Variants in CNIH3 observed in about 807,000 individuals in gnomAD.
The protein encoded by CNIH3 is protein cornichon homolog 3.
CNIH3 carries 14 observed loss-of-function variants against 24.1 expected under a neutral mutation model. The ratio of observed to expected loss-of-function variants is 0.58; its 90% CI spans 0.38 to 0.91. CNIH3 has a LOEUF of 0.91. Among genes scored for constraint, CNIH3 ranks in the 40% least tolerant of loss-of-function variants. The pLI is 0.00. For synonymous variants in CNIH3, 68 were observed against 73.8 expected (o/e 0.92, Z 0.40); for missense variants, 178 against 196.8 (o/e 0.90, Z 0.57).
At chr1:224,512,942 G>A (rs1678217968), upstream of CNIH3, among the ~76,000 whole-genome samples, 1 of 152,178 alleles carries the variant, frequency 6.6e-6, no homozygotes, top group Admixed American at 6.5e-5. Flanking sequence ...CTGTCCTTTG[G>A]CCTCTTTGAA....
At position 224,533,526 on chromosome 1, in the gene CNIH3, C is replaced by T. The variant is rs535596106; in HGVS notation, n.344-3410C>T. On this transcript the variant is annotated intron_variant and non_coding_transcript_variant, in intron 2 of 2. Coordinates refer to the CNIH3 transcript ENST00000470602. ...AAACAACAGAAATGTATTATCTCAT[C>T]GTTCTGGGGGCTGGAAGTCTGTCAT... Among the ~76,000 whole-genome samples, 8 of 152,244 alleles carry T rather than the reference C, an allele frequency of 5.3e-5. No homozygotes were observed. In the South Asian group the frequency reaches 1.2e-3, roughly 24 times the overall value.
At chr1:224,443,785 T>C (rs971568785) in intron 1 of CNIH3, among the ~76,000 whole-genome samples, 1 of 152,076 alleles carries the variant, frequency 6.6e-6, no homozygotes, top group Non-Finnish European at 1.5e-5. Context: ...TGGTTTGGGA[T>C]GTCCTCTGTT....
intron 1 of CNIH3, among the ~76,000 whole-genome samples, chr1:224,619,524 C>T (rs1683181735): frequency 1.3e-5 from 2 of 152,178 alleles, no homozygotes; most frequent in Non-Finnish European, 2.9e-5. Context: ...ATCCCTTTCC[C>T]TCTCTCCAAA....
In CNIH3 at chr1:224,617,033, T is replaced by C. The variant is rs7550112; in HGVS notation, c.-142T>C. 7.1e-3 allele frequency: 10,172 copies of C among 1,425,318 alleles called. 407 individuals carry two copies. In the African/African-American group the frequency reaches 0.092, roughly 13 times the overall value. 88.3% of individuals were successfully genotyped at this position (1,425,318 alleles called of 1,614,324 possible). On this transcript the variant is annotated 5_prime_UTR_variant, in exon 1 of 6. Coordinates refer to ENST00000272133, the MANE Select transcript of CNIH3 (RefSeq NM_152495.2). Reference sequence around the variant, plus strand: ...CTTATTCGCTGACCCTCGAGTCGCTTCGCTAGCTGTGCGCCCTCCTGGGCA... The same window carrying C: ...CTTATTCGCTGACCCTCGAGTCGCTCCGCTAGCTGTGCGCCCTCCTGGGCA...
chr1:224,498,818 C>G (rs1677539882), intron 1 of CNIH3, among the ~76,000 whole-genome samples: 1 of 152,212 alleles, frequency 6.6e-6, no homozygotes. Flanking sequence ...AGTGCTGCAA[C>G]AGTGCAGCAG....
At chr1:224,626,044 C>T (rs547428908) in intron 1 of CNIH3, among the ~76,000 whole-genome samples, 53 of 152,192 alleles carry the variant, frequency 3.5e-4, no homozygotes, top group African/African-American at 1.0e-3. Flanking sequence ...TATTAAATTC[C>T]AGGCTGAAAT....
intron 1 of CNIH3, among the ~76,000 whole-genome samples, chr1:224,462,716 C>T (rs1308600636): frequency 2.0e-5 from 3 of 147,714 alleles, no homozygotes; most frequent in Non-Finnish European, 3.0e-5. Flanking sequence ...CACGGCTCAC[C>T]AGAGCCTCGA....
chr1:224,706,958 C>CTTTTTTT (rs71170031), intron 3 of CNIH3, among the ~76,000 whole-genome samples: 129 of 82,004 alleles, frequency 1.6e-3, no homozygotes, highest in East Asian at 2.3e-3. Context: ...TCCTTTCTTT[C>CTTTTTTT]TTTTTTTTTT....
intron 1 of CNIH3, among the ~76,000 whole-genome samples, chr1:224,632,467 G>A (rs1683869939): frequency 6.6e-6 from 1 of 152,136 alleles, no homozygotes; most frequent in African/African-American, 2.4e-5. Flanking sequence ...ATTGTCTTAT[G>A]TCATCAGCAT....
At chr1:224,614,936 C>CAAATAAAT (rs56329135), upstream of CNIH3, among the ~76,000 whole-genome samples, 10,233 of 146,632 alleles carry the variant, frequency 0.07, 482 homozygotes, top group Middle Eastern at 0.12. Flanking sequence ...GAGACTCCGT[C>CAAATAAAT]AAATAAATAA....
chr1:224,676,923 A>G (rs1047633086), intron 1 of CNIH3, among the ~76,000 whole-genome samples: 3 of 152,292 alleles, frequency 2.0e-5, no homozygotes, highest in African/African-American at 7.2e-5. Context: ...CTTTGTTTCC[A>G]TGGGGACAGC....
At chr1:224,577,449 G>GA (rs1346908185) in intron 4 of CNIH3, among the ~76,000 whole-genome samples, 1 of 151,832 alleles carries the variant, frequency 6.6e-6, no homozygotes, top group Non-Finnish European at 1.5e-5. Flanking sequence ...TGCCCAACAC[G>GA]AAAAAATGCT....
At chr1:224,564,617 A>G (rs1680506752) in intron 3 of CNIH3, among the ~76,000 whole-genome samples, 1 of 152,240 alleles carries the variant, frequency 6.6e-6, no homozygotes, top group Non-Finnish European at 1.5e-5. Context: ...GGCTGACGAT[A>G]CTTGGATGGA....
chr1:224,677,238 A>T (rs1269568161), intron 1 of CNIH3, among the ~76,000 whole-genome samples: 2 of 152,218 alleles, frequency 1.3e-5, no homozygotes, highest in Non-Finnish European at 2.9e-5. Flanking sequence ...TGACATGGTG[A>T]GCAGACAATA....
At chr1:224,501,505 C>CTATATA (rs201461305) in intron 1 of CNIH3, among the ~76,000 whole-genome samples, 4 of 142,300 alleles carry the variant, frequency 2.8e-5, no homozygotes, top group African/African-American at 7.9e-5. Flanking sequence ...AGGCTTGAAC[C>CTATATA]TATATATATA....
chr1:224,663,782 A>G (rs1685472484), intron 1 of CNIH3, among the ~76,000 whole-genome samples: 1 of 152,220 alleles, frequency 6.6e-6, no homozygotes, highest in Non-Finnish European at 1.5e-5. Context: ...TTCATAGGCA[A>G]TCAGAAATGC....
intron 2 of CNIH3, among the ~76,000 whole-genome samples, chr1:224,683,278 G>T (rs6665737): frequency 2.6e-5 from 4 of 152,114 alleles, no homozygotes; most frequent in African/African-American, 9.6e-5. Context: ...AAAGACTCTA[G>T]GTGCCCCATG....
chr1:224,528,243 G>T (rs1678921895), intron 2 of CNIH3, among the ~76,000 whole-genome samples: 1 of 152,180 alleles, frequency 6.6e-6, no homozygotes, highest in Admixed American at 6.5e-5. Flanking sequence ...CAGCCTGGGT[G>T]ACAGTGCAAG....
chr1:224,737,814 C>G (rs1031434811), intron 5 of CNIH3, among the ~76,000 whole-genome samples: 1 of 152,158 alleles, frequency 6.6e-6, no homozygotes, highest in African/African-American at 2.4e-5. Flanking sequence ...CTGTTTGAAC[C>G]GCATGGCACC....
Sources: allele counts gnomAD v4.1 joint callset (sites outside exome capture counted in the v4.1 genomes callset), GRCh38; gene constraint gnomAD v4.1.1; transcripts MANE v1.5; gene names NCBI Gene and HGNC (gene_info 2026-07-23, HGNC 2026-07-21).